ENTHD1: variants seen among roughly 807,000 people sequenced by gnomAD.
ENTHD1 encodes ENTH domain containing 1.
In ENTHD1, 23 loss-of-function variants were observed where a neutral mutation model predicts 39.1. That is an observed-to-expected ratio of 0.59 (90% CI 0.42 to 0.83). The LOEUF is 0.83. Ranked by LOEUF, ENTHD1 falls within the 40% of genes least tolerant of loss-of-function variation. The pLI is 0.00. For missense variants in ENTHD1, 624 were observed against 705.4 expected, an observed-to-expected ratio of 0.88 and a Z score of 1.31; for synonymous variants, 230 against 258.2, an observed-to-expected ratio of 0.89 and a Z score of 1.05.
intron 3 of ENTHD1, among the ~76,000 whole-genome samples, chr22:39,847,346 A>T (rs1036469509): frequency 1.6e-5 from 2 of 125,338 alleles, no homozygotes; most frequent in African/African-American, 6.1e-5. Flanking sequence ...CAGGAAGGGG[A>T]ACATCACACT....
chr22:39,789,324 A>G (rs1156620209), intron 5 of ENTHD1, among the ~76,000 whole-genome samples: 1 of 152,110 alleles, frequency 6.6e-6, no homozygotes, highest in East Asian at 1.9e-4. Context: ...TCCCCTCACC[A>G]AATACACTGA....
At chr22:39,870,440 AAATT>A (rs1455837208) in intron 2 of ENTHD1, among the ~76,000 whole-genome samples, 3 of 152,210 alleles carry the variant, frequency 2.0e-5, no homozygotes, top group Non-Finnish European at 4.4e-5. Context: ...TTTCAAAAGA[AAATT>A]AAGGTAATAG....
At chr22:39,868,971 C>G (rs2066213475) in intron 2 of ENTHD1, among the ~76,000 whole-genome samples, 3 of 152,174 alleles carry the variant, frequency 2.0e-5, no homozygotes, top group Admixed American at 2.0e-4. Context: ...CAAAAAACAA[C>G]AGATGCTGGT....
chr22:39,800,500 T>G (rs1247101187), intron 5 of ENTHD1, among the ~76,000 whole-genome samples: 1 of 152,220 alleles, frequency 6.6e-6, no homozygotes, highest in Non-Finnish European at 1.5e-5. Flanking sequence ...AGAAAGGATC[T>G]TTGTTTTTCT....
Position 39,885,612 on chromosome 22 carries a change from A to G in ENTHD1, c.349+1788T>C, listed in dbSNP as rs763066992. Among the ~76,000 whole-genome samples, 58 of 152,242 alleles carry G rather than the reference A, an allele frequency of 3.8e-4. 1 individual carries two copies. Among genetic ancestry groups the G allele is most frequent in the Non-Finnish European group, 1.5e-4 (10 of 68,032 alleles). On this transcript the variant is annotated intron_variant, in intron 2 of 6. Transcript: ENST00000325157. Reference sequence around the variant, plus strand: ...CATCAACAGATGAGTAAATTTTTTAAAATGTGTAATGTACATACAATAGAA... The same window carrying G: ...CATCAACAGATGAGTAAATTTTTTAGAATGTGTAATGTACATACAATAGAA...
At chr22:39,849,379 G>A (rs2066017020) in intron 3 of ENTHD1, among the ~76,000 whole-genome samples, 1 of 152,034 alleles carries the variant, frequency 6.6e-6, no homozygotes, top group Admixed American at 6.6e-5. Flanking sequence ...GCATCCAGTG[G>A]GTACAGGCCA....
intron 6 of ENTHD1, among the ~76,000 whole-genome samples, chr22:39,752,198 A>G (rs545449581): frequency 1.3e-5 from 2 of 152,234 alleles, no homozygotes; most frequent in South Asian, 4.2e-4. Flanking sequence ...CTGTATCTAT[A>G]TATATCTTGT....
At chr22:39,802,661 AC>A (rs1266473775) in intron 5 of ENTHD1, among the ~76,000 whole-genome samples, 3 of 152,192 alleles carry the variant, frequency 2.0e-5, no homozygotes, top group Non-Finnish European at 4.4e-5. Flanking sequence ...AGAAAGGGAA[AC>A]AGGAGAAAGA....
intron 6 of ENTHD1, among the ~76,000 whole-genome samples, chr22:39,744,901 CT>C (rs934818719): frequency 3.9e-5 from 6 of 152,138 alleles, no homozygotes; most frequent in Non-Finnish European, 7.4e-5. Flanking sequence ...CATTCTAAGC[CT>C]TTTTTTCCAT....
chr22:39,820,296 G>C (rs1764270068), intron 5 of ENTHD1, among the ~76,000 whole-genome samples: 1 of 152,184 alleles, frequency 6.6e-6, no homozygotes, highest in South Asian at 2.1e-4. Flanking sequence ...TCTGTGGTAA[G>C]GGAAAAGATG....
chr22:39,784,584 T>A (rs1179439862), intron 5 of ENTHD1, among the ~76,000 whole-genome samples: 15 of 120,652 alleles, frequency 1.2e-4, no homozygotes, highest in South Asian at 2.8e-4. Context: ...ACACACACAC[T>A]AGAATATTCA....
intron 3 of ENTHD1, among the ~76,000 whole-genome samples, chr22:39,845,129 T>C (rs1341503043): frequency 1.3e-5 from 2 of 151,054 alleles, no homozygotes; most frequent in Non-Finnish European, 2.9e-5. Flanking sequence ...CAAACTGATC[T>C]CAGATATGGC....
At chr22:39,811,563 A>T (rs1420456483) in intron 5 of ENTHD1, among the ~76,000 whole-genome samples, 1 of 152,236 alleles carries the variant, frequency 6.6e-6, no homozygotes, top group East Asian at 1.9e-4. Context: ...CTACACCCTG[A>T]TAAAGACTGA....
chr22:39,853,840 G>T (rs1043214939), intron 3 of ENTHD1, among the ~76,000 whole-genome samples: 1 of 152,196 alleles, frequency 6.6e-6, no homozygotes, highest in Non-Finnish European at 1.5e-5. Flanking sequence ...CTCCCAAAGT[G>T]CTGGGATTGC....
rs533499787 is a variant in ENTHD1 at position 39,864,097 on chromosome 22, G to A, written c.350-2090C>T. 2.6e-5 allele frequency among the ~76,000 whole-genome samples: 4 copies of A among 152,248 alleles called. No individual in the cohort carries two copies. The East Asian group carries it at 7.7e-4, about 29-fold the overall frequency. On this transcript the variant is annotated intron_variant, in intron 2 of 6. Coordinates refer to ENST00000325157, the MANE Select transcript of ENTHD1 (RefSeq NM_152512.4). ...CAGTGTCGTGTGATAAACAGAAGTC[G>A]GCTGTGAATTTTAGCCTTTGGGAAC...
chr22:39,858,281 G>A (rs2066111402), intron 3 of ENTHD1, among the ~76,000 whole-genome samples: 2 of 152,180 alleles, frequency 1.3e-5, no homozygotes, highest in African/African-American at 4.8e-5. Flanking sequence ...CTCCTCATCT[G>A]TTCAAGTTTG....
At chr22:39,762,620 A>G (rs888671540) in intron 6 of ENTHD1, among the ~76,000 whole-genome samples, 15 of 151,884 alleles carry the variant, frequency 9.9e-5, no homozygotes, top group African/African-American at 3.4e-4. Flanking sequence ...TCTGGCTAAT[A>G]TGTATATTTT....
At chr22:39,748,101 T>C (rs1601563077) in intron 6 of ENTHD1, among the ~76,000 whole-genome samples, 1 of 151,686 alleles carries the variant, frequency 6.6e-6, no homozygotes, top group African/African-American at 2.4e-5. Flanking sequence ...GTACAAAAAT[T>C]AGTTGGGCAT....
intron 5 of ENTHD1, among the ~76,000 whole-genome samples, chr22:39,772,570 AAGGT>A: frequency 6.6e-6 from 1 of 152,340 alleles, no homozygotes; most frequent in Middle Eastern, 3.4e-3. Flanking sequence ...CAAAAGAAGA[AAGGT>A]AGGTAGGAAC....
Sources: allele counts gnomAD v4.1 joint callset (sites outside exome capture counted in the v4.1 genomes callset), GRCh38; gene constraint gnomAD v4.1.1; transcripts MANE v1.5; gene names NCBI Gene and HGNC (gene_info 2026-07-23, HGNC 2026-07-21).